The following HIVEP2 variants were observed in gnomAD, a reference collection of about 807,000 sequenced individuals.
HIVEP2 encodes transcription factor HIVEP2.
A neutral mutation model predicts 180.7 loss-of-function variants in HIVEP2; 14 were observed. The observed-to-expected ratio is 0.08, with a 90% CI of 0.05 to 0.12. The LOEUF (loss-of-function observed/expected upper bound fraction) is 0.12. Among genes scored for constraint, HIVEP2 ranks in the 10% least tolerant of loss-of-function variants. The probability of loss-of-function intolerance (pLI) is 1.00; values close to 1 mark genes in which losing one functional copy is unlikely to be tolerated. For synonymous variants in HIVEP2, 1,184 were observed against 1,136.4 expected (o/e 1.04, Z -0.84); for missense variants, 2,579 against 3,008.5 (o/e 0.86, Z 3.34).
At chr6:142,910,967 C>G (rs1382280964) in intron 1 of HIVEP2, among the ~76,000 whole-genome samples, 1 of 151,806 alleles carries the variant, frequency 6.6e-6, no homozygotes, top group Non-Finnish European at 1.5e-5. Context: ...CAGTCTGAGC[C>G]CTAAAGACTC....
At chr6:142,842,732 C>T (rs1775400127) in intron 1 of HIVEP2, among the ~76,000 whole-genome samples, 1 of 151,072 alleles carries the variant, frequency 6.6e-6, no homozygotes, top group South Asian at 2.1e-4. Context: ...TGGGTGTAAG[C>T]ACTTTAAGTG....
At chr6:142,926,201 ATAT>A (rs1777805847) in intron 1 of HIVEP2, among the ~76,000 whole-genome samples, 1 of 152,360 alleles carries the variant, frequency 6.6e-6, no homozygotes, top group South Asian at 2.1e-4. Flanking sequence ...TAGCAAAATA[ATAT>A]TATTATAAAA....
At chr6:142,938,590 G>C (rs1778107265) in intron 1 of HIVEP2, among the ~76,000 whole-genome samples, 1 of 152,124 alleles carries the variant, frequency 6.6e-6, no homozygotes, top group Non-Finnish European at 1.5e-5. Flanking sequence ...AACACCTATG[G>C]TTTTCTATGA....
chr6:142,824,102 A>G (rs1172920353), intron 2 of HIVEP2, among the ~76,000 whole-genome samples: 1 of 152,174 alleles, frequency 6.6e-6, no homozygotes, highest in Non-Finnish European at 1.5e-5. Context: ...ACATGCTTAA[A>G]TCCTTTAGGT....
At chr6:142,867,793 C>T (rs139014912) in intron 1 of HIVEP2, among the ~76,000 whole-genome samples, 8 of 152,266 alleles carry the variant, frequency 5.3e-5, no homozygotes, top group South Asian at 4.1e-4. Flanking sequence ...AAGGTGGATT[C>T]GCATGCAAGA....
intron 1 of HIVEP2, among the ~76,000 whole-genome samples, chr6:142,887,457 G>T (rs1776730714): frequency 6.6e-6 from 1 of 152,138 alleles, no homozygotes; most frequent in Non-Finnish European, 1.5e-5. Flanking sequence ...TTTCAGTCAT[G>T]GTGGTCTATG....
chr6:142,770,601 T>C lies in HIVEP2; in HGVS notation c.4138A>G (p.Thr1380Ala), dbSNP rs1775505800. 4 of 1,614,232 alleles carry C rather than the reference T, an allele frequency of 2.5e-6. No individual in the cohort carries two copies. The highest frequency in any genetic ancestry group is 3.4e-6 in the Non-Finnish European group (4 of 1,180,036). ...CCTATCCCTTGCATGGCTGCGTTGGTGACCAGTGTCCTTTGGGTCATATTC... is the reference window on the plus strand; with the variant it reads ...CCTATCCCTTGCATGGCTGCGTTGGCGACCAGTGTCCTTTGGGTCATATTC... ...DENMTQRTLV[T>A]NAAMQGIGFN... The change falls in exon 5 of 10, where the codon ACC becomes GCC. Residue 1380 changes from threonine to alanine, a missense_variant. Physicochemically the swap from Thr to Ala is moderately conservative, Grantham distance 58. Transcript: ENST00000367603. The surrounding 1 kb of genome is among the most constrained non-coding windows in gnomAD (Gnocchi z 4.7).
chr6:142,814,542 T>C (rs1582883259), intron 2 of HIVEP2, among the ~76,000 whole-genome samples: 1 of 152,004 alleles, frequency 6.6e-6, no homozygotes, highest in East Asian at 1.9e-4. Flanking sequence ...AGAAGAAGAA[T>C]TGACAGAATT....
intron 1 of HIVEP2, among the ~76,000 whole-genome samples, chr6:142,908,837 T>C (rs897078667): frequency 3.3e-4 from 43 of 130,770 alleles, no homozygotes; most frequent in Non-Finnish European, 5.8e-4. Flanking sequence ...TCCTCCACTC[T>C]GTAAGATACC....
intron 1 of HIVEP2, among the ~76,000 whole-genome samples, chr6:142,918,958 T>C (rs1319181212): frequency 1.3e-5 from 2 of 152,214 alleles, no homozygotes. Flanking sequence ...TCCCTACCTA[T>C]TATTTTACTT....
At chr6:142,859,645 C>A (rs1341327836) in intron 1 of HIVEP2, among the ~76,000 whole-genome samples, 2 of 151,668 alleles carry the variant, frequency 1.3e-5, no homozygotes, top group Non-Finnish European at 2.9e-5. Flanking sequence ...ACCAGTCTGG[C>A]TAACATGGCG....
At chr6:142,807,485 A>G (rs138699279) in intron 2 of HIVEP2, among the ~76,000 whole-genome samples, 53 of 152,270 alleles carry the variant, frequency 3.5e-4, no homozygotes, top group African/African-American at 1.2e-3. Flanking sequence ...AAATGATGTA[A>G]ATCAATCTAA....
chr6:142,892,926 G>T (rs1776895368), intron 1 of HIVEP2, among the ~76,000 whole-genome samples: 1 of 152,186 alleles, frequency 6.6e-6, no homozygotes, highest in South Asian at 2.1e-4. Flanking sequence ...TACCAAAAAG[G>T]AAAGTGGAGC....
intron 2 of HIVEP2, among the ~76,000 whole-genome samples, chr6:142,789,288 C>G (rs949682258): frequency 3.3e-5 from 5 of 152,220 alleles, no homozygotes; most frequent in Non-Finnish European, 7.3e-5. Flanking sequence ...CATTCTGCAT[C>G]TTGGCTGTGC....
At chr6:142,927,419 T>C (rs1227699956) in intron 1 of HIVEP2, among the ~76,000 whole-genome samples, 1 of 152,208 alleles carries the variant, frequency 6.6e-6, no homozygotes, top group African/African-American at 2.4e-5. Flanking sequence ...TCCTTTCCAA[T>C]TGTGAATTCC....
At chr6:142,889,431 C>T (rs550472611) in intron 1 of HIVEP2, among the ~76,000 whole-genome samples, 6 of 152,114 alleles carry the variant, frequency 3.9e-5, no homozygotes, top group Admixed American at 6.5e-5. Context: ...GCACCCCAGC[C>T]GGAGCAACAG....
intron 2 of HIVEP2, among the ~76,000 whole-genome samples, chr6:142,798,078 T>G (rs530375219): frequency 7.9e-5 from 12 of 152,244 alleles, no homozygotes; most frequent in African/African-American, 2.9e-4. Flanking sequence ...TTCTCTCTTA[T>G]GGTGGTGAGG....
chr6:142,820,811 T>C (rs1777013455), intron 2 of HIVEP2, among the ~76,000 whole-genome samples: 1 of 152,158 alleles, frequency 6.6e-6, no homozygotes, highest in South Asian at 2.1e-4. Flanking sequence ...CCACTGAGCA[T>C]CTATAAAAGT....
chr6:142,915,864 C>T (rs1222900707), intron 1 of HIVEP2, among the ~76,000 whole-genome samples: 1 of 152,184 alleles, frequency 6.6e-6, no homozygotes, highest in Non-Finnish European at 1.5e-5. Context: ...GACTACTTGG[C>T]ATCTCCATTT....
Sources: allele counts gnomAD v4.1 joint callset (sites outside exome capture counted in the v4.1 genomes callset), GRCh38; gene constraint gnomAD v4.1.1; non-coding constraint Gnocchi (gnomAD v3.1); transcripts MANE v1.5; gene names NCBI Gene and HGNC (gene_info 2026-07-23, HGNC 2026-07-21).